PARD3B: variants seen among roughly 807,000 people sequenced by gnomAD.
The protein encoded by PARD3B is par-3 family cell polarity regulator beta, also known as partitioning defective 3 homolog B.
PARD3B carries 103 observed loss-of-function variants against 130.2 expected under a neutral mutation model. That is an observed-to-expected ratio of 0.79 (90% CI 0.67 to 0.93). PARD3B has a LOEUF of 0.93. Among genes scored for constraint, PARD3B ranks in the 40% least tolerant of loss-of-function variants. PARD3B has a pLI of 0.00. For missense variants in PARD3B, 1,609 were observed against 1,499.2 expected, an observed-to-expected ratio of 1.07 and a Z score of -1.21; for synonymous variants, 583 against 553.2, an observed-to-expected ratio of 1.05 and a Z score of -0.76.
chr2:205,484,356 C>T (rs2049357270), intron 20 of PARD3B, among the ~76,000 whole-genome samples: 1 of 152,142 alleles, frequency 6.6e-6, no homozygotes, highest in African/African-American at 2.4e-5. Flanking sequence ...CCTCTGTAGC[C>T]CCTCTGCTTT....
intron 1 of PARD3B, among the ~76,000 whole-genome samples, chr2:204,571,023 T>C (rs2031972863): frequency 6.6e-6 from 1 of 152,086 alleles, no homozygotes; most frequent in South Asian, 2.1e-4. Context: ...TATAAGCTGT[T>C]GTAACTGAGG....
chr2:205,455,694 T>C (rs1056313327), intron 20 of PARD3B, among the ~76,000 whole-genome samples: 8 of 152,210 alleles, frequency 5.3e-5, no homozygotes, highest in Non-Finnish European at 8.8e-5. Flanking sequence ...GAAATTTTTC[T>C]AGAGTCAGAA....
intron 10 of PARD3B, among the ~76,000 whole-genome samples, chr2:205,156,385 A>C (rs2034165770): frequency 6.6e-6 from 1 of 151,980 alleles, no homozygotes; most frequent in Non-Finnish European, 1.5e-5. Flanking sequence ...CACATTGTGC[A>C]CATGTACCCT....
chr2:204,558,797 C>A (rs921059453), intron 1 of PARD3B, among the ~76,000 whole-genome samples: 1 of 152,146 alleles, frequency 6.6e-6, no homozygotes, highest in Non-Finnish European at 1.5e-5. Flanking sequence ...AACTATACTA[C>A]AAGGCTACAG....
At chr2:205,290,114 T>C (rs2041550478) in intron 16 of PARD3B, among the ~76,000 whole-genome samples, 1 of 152,168 alleles carries the variant, frequency 6.6e-6, no homozygotes, top group South Asian at 2.1e-4. Context: ...ATTAGCTGAG[T>C]AAACAGGTAA....
chr2:204,783,895 C>T (rs1485539805), intron 2 of PARD3B, among the ~76,000 whole-genome samples: 1 of 151,896 alleles, frequency 6.6e-6, no homozygotes, highest in African/African-American at 2.4e-5. Context: ...TTTCTTTTGG[C>T]TTTTTGGAAT....
chr2:204,820,371 C>A (rs1325227516), intron 2 of PARD3B, among the ~76,000 whole-genome samples: 1 of 151,898 alleles, frequency 6.6e-6, no homozygotes, highest in East Asian at 1.9e-4. Context: ...GCCACCATGC[C>A]CATCCTAAAC....
At chr2:205,422,898 C>CA (rs1317423572) in intron 19 of PARD3B, among the ~76,000 whole-genome samples, 1 of 152,120 alleles carries the variant, frequency 6.6e-6, no homozygotes, top group Non-Finnish European at 1.5e-5. Flanking sequence ...CTCCCATGGA[C>CA]AAACAGTCAT....
In PARD3B at chr2:205,531,343, A is replaced by C. The variant is rs555854795; in HGVS notation, c.3181-21981A>C. ...AGGAAATGATCTTATTGAGCTGGAC[A>C]AAGGAAACTGATAGCCTGCAAGATC... On this transcript the variant is annotated intron_variant, in intron 21 of 22. Transcript: ENST00000406610. Among the ~76,000 whole-genome samples, 5 of 152,312 alleles carry C rather than the reference A, an allele frequency of 3.3e-5. 1 individual carries two copies. Among genetic ancestry groups the C allele is most frequent in the Admixed American group, 3.3e-4 (5 of 15,296 alleles).
At chr2:205,444,649 T>C (rs2047842966) in intron 20 of PARD3B, among the ~76,000 whole-genome samples, 1 of 152,152 alleles carries the variant, frequency 6.6e-6, no homozygotes, top group South Asian at 2.1e-4. Context: ...CTCTTCCAAC[T>C]TGATGGCAGA....
rs549732993 is a variant in PARD3B, at chr2:205,078,549, T to C, written c.505-25877T>C. Among the ~76,000 whole-genome samples, 1 of 152,342 alleles carries C rather than the reference T, an allele frequency of 6.6e-6. No individual in the cohort carries two copies. The highest frequency in any genetic ancestry group is 2.4e-5 in the African/African-American group (1 of 41,586). On this transcript the variant is annotated intron_variant, in intron 4 of 22. Transcript: ENST00000406610. The surrounding 1 kb of genome is among the most constrained non-coding windows in gnomAD (Gnocchi z 4.0). Reference sequence around the variant, plus strand: ...TGACTTCATTAATTTAAACTTGTAGTATTTTGCTTAAATTCATGTAATTTT... The same window carrying C: ...TGACTTCATTAATTTAAACTTGTAGCATTTTGCTTAAATTCATGTAATTTT...
intron 12 of PARD3B, among the ~76,000 whole-genome samples, chr2:205,174,187 C>G (rs1023021362): frequency 6.6e-6 from 1 of 152,146 alleles, no homozygotes; most frequent in African/African-American, 2.4e-5. Context: ...TTCTCACACT[C>G]TGGGTAGATT....
intron 21 of PARD3B, among the ~76,000 whole-genome samples, chr2:205,545,887 G>A (rs1357886221): frequency 1.3e-5 from 2 of 152,130 alleles, no homozygotes; most frequent in Non-Finnish European, 2.9e-5. Context: ...AATATTGGGA[G>A]GTTAAATGGC....
chr2:205,180,874 C>T (rs2125773829), intron 13 of PARD3B, among the ~76,000 whole-genome samples: 1 of 152,170 alleles, frequency 6.6e-6, no homozygotes, highest in South Asian at 2.1e-4. Flanking sequence ...GAGGCTGTGT[C>T]CCAGGGGCTT....
At chr2:205,406,548 A>G (rs1160798245) in intron 19 of PARD3B, among the ~76,000 whole-genome samples, 8 of 151,440 alleles carry the variant, frequency 5.3e-5, no homozygotes, top group Non-Finnish European at 8.8e-5. Flanking sequence ...TGTCTTAATT[A>G]TATTTATACA....
At chr2:204,773,094 C>T (rs745789046) in intron 2 of PARD3B, among the ~76,000 whole-genome samples, 44 of 151,856 alleles carry the variant, frequency 2.9e-4, no homozygotes, top group South Asian at 4.2e-4. Context: ...ATATATTTAA[C>T]AATAATCATT....
At chr2:204,957,937 A>G (rs1021910841) in intron 2 of PARD3B, among the ~76,000 whole-genome samples, 1 of 152,084 alleles carries the variant, frequency 6.6e-6, no homozygotes, top group Non-Finnish European at 1.5e-5. Context: ...ATTTAACTTG[A>G]TAGTTGGTAA....
At chr2:204,630,898 C>T (rs1356529212) in intron 1 of PARD3B, among the ~76,000 whole-genome samples, 1 of 151,618 alleles carries the variant, frequency 6.6e-6, no homozygotes, top group African/African-American at 2.4e-5. Context: ...TTAATTTTTT[C>T]AAAAAACCAG....
rs1362500035 is a variant in PARD3B, at chr2:204,799,539, TG to T, written c.222+113259del. Among the ~76,000 whole-genome samples, 1 of 152,152 alleles carries T rather than the reference TG, an allele frequency of 6.6e-6. No individual in the cohort carries two copies. Among genetic ancestry groups the T allele is most frequent in the East Asian group, 1.9e-4 (1 of 5,174 alleles). On this transcript the variant is annotated intron_variant, in intron 2 of 22. Transcript: ENST00000406610. This position sits in a 1 kb window ranked among gnomAD's most constrained non-coding sequence, Gnocchi z 4.1. ...TGAGTGAACATTCACAGCCAGACAG[TG>T]GTCACTGTGGGTCTTTGGAGAGACC... is the stretch of plus-strand genomic sequence containing the variant.
Sources: gnomAD v4.1 joint callset for allele counts (sites outside exome capture counted in the v4.1 genomes callset) on GRCh38, gnomAD v4.1.1 for gene constraint, Gnocchi (gnomAD v3.1) non-coding constraint, MANE v1.5 for transcripts, NCBI Gene and HGNC (gene_info 2026-07-23, HGNC 2026-07-21) for gene names.